RUNX1: variants seen among roughly 807,000 people sequenced by gnomAD.
RUNX1 encodes RUNX family transcription factor 1.
In RUNX1, 19 loss-of-function variants were observed where a neutral mutation model predicts 42.8. That is an observed-to-expected ratio of 0.44 (90% CI 0.31 to 0.65). The LOEUF (loss-of-function observed/expected upper bound fraction) is 0.65, where lower values mean the gene tolerates loss of function less well. RUNX1 is among the 30% of genes least tolerant of loss of function. RUNX1 has a pLI of 0.07. For missense variants in RUNX1, 528 were observed against 672.0 expected (o/e 0.79, Z 2.37); for synonymous variants, 271 against 289.4 (o/e 0.94, Z 0.64).
At chr21:34,949,648 C>T (rs890385846) in intron 2 of RUNX1, among the ~76,000 whole-genome samples, 21 of 152,224 alleles carry the variant, frequency 1.4e-4, no homozygotes, top group Admixed American at 1.4e-3. Flanking sequence ...CAACCCCAAT[C>T]GCTGTGGATG....
At chr21:34,962,533 T>C (rs1008510216) in intron 2 of RUNX1, among the ~76,000 whole-genome samples, 5 of 152,250 alleles carry the variant, frequency 3.3e-5, no homozygotes, top group African/African-American at 4.8e-5. Flanking sequence ...CCTTCTATTT[T>C]GTTAAATCTT....
At chr21:35,007,500 A>G (rs1024159780) in intron 2 of RUNX1, among the ~76,000 whole-genome samples, 2 of 152,118 alleles carry the variant, frequency 1.3e-5, no homozygotes, top group African/African-American at 4.8e-5. Context: ...TGGATGTGCT[A>G]AAGCCACCAC....
intron 2 of RUNX1, among the ~76,000 whole-genome samples, chr21:34,977,021 T>A (rs1188355014): frequency 1.3e-5 from 2 of 152,210 alleles, no homozygotes; most frequent in Non-Finnish European, 2.9e-5. Flanking sequence ...TGTGAAAATA[T>A]TTATCTTCAC....
At chr21:34,945,049 A>G (rs1401098751) in intron 2 of RUNX1, among the ~76,000 whole-genome samples, 1 of 152,216 alleles carries the variant, frequency 6.6e-6, no homozygotes, top group Non-Finnish European at 1.5e-5. Context: ...TAAATAAGTT[A>G]TTTCATGGAG....
chr21:34,800,662 CTTTCTG>C (rs1411037782), intron 7 of RUNX1, among the ~76,000 whole-genome samples: 2 of 152,170 alleles, frequency 1.3e-5, no homozygotes, highest in African/African-American at 2.4e-5. Flanking sequence ...TCAAGTTTGC[CTTTCTG>C]TTTATCTCTT....
intron 7 of RUNX1, among the ~76,000 whole-genome samples, chr21:34,819,464 T>C (rs1310062729): frequency 2.6e-5 from 4 of 152,166 alleles, no homozygotes; most frequent in African/African-American, 4.8e-5. Flanking sequence ...TCACCAAGTC[T>C]TAGTGAAGGG....
chr21:34,826,070 G>C (rs1477122154), intron 7 of RUNX1, among the ~76,000 whole-genome samples: 4 of 152,148 alleles, frequency 2.6e-5, no homozygotes. Flanking sequence ...CAAGTTTGTG[G>C]TTATTTGTTA....
Position 34,999,576 on chromosome 21 carries a change from G to A in RUNX1, c.58+49266C>T, listed in dbSNP as rs571507770. On this transcript the variant is annotated intron_variant, in intron 2 of 8. Transcript: ENST00000675419. ...GTCTGGTAGGAGTTAAAAGGAACAC[G>A]TGTGTTCTGAACTCCCTGGAAGAGA... 5.3e-5 allele frequency among the ~76,000 whole-genome samples: 8 copies of A among 152,260 alleles called. No individual in the cohort carries two copies. The South Asian group carries it at 1.2e-3, about 24-fold the overall frequency.
intron 2 of RUNX1, among the ~76,000 whole-genome samples, chr21:34,982,397 G>GGTGTGTGTGT (rs56091299): frequency 0.015 from 2,237 of 148,204 alleles, 26 homozygotes; most frequent in African/African-American, 0.021. Context: ...AGTCAAAAGG[G>GGTGTGTGTGT]GTGTGTGTGT....
intron 7 of RUNX1, among the ~76,000 whole-genome samples, chr21:34,808,377 G>A (rs1419555583): frequency 6.6e-6 from 1 of 152,100 alleles, no homozygotes; most frequent in Non-Finnish European, 1.5e-5. Context: ...GGCTGCCTGC[G>A]GGAAGGAAGA....
At chr21:34,904,600 A>G (rs1347486137) in intron 2 of RUNX1, among the ~76,000 whole-genome samples, 2 of 152,234 alleles carry the variant, frequency 1.3e-5, no homozygotes, top group Non-Finnish European at 2.9e-5. Flanking sequence ...ATCTTAAGTA[A>G]CTACATAGCA....
At chr21:34,923,687 G>GAACACATTTCCCTGCT (rs1555905178) in intron 2 of RUNX1, among the ~76,000 whole-genome samples, 3 of 147,448 alleles carry the variant, frequency 2.0e-5, no homozygotes, top group Admixed American at 6.7e-5. Flanking sequence ...CAGCAATTCT[G>GAACACATTTCCCTGCT]TCAACCATCA....
intron 2 of RUNX1, among the ~76,000 whole-genome samples, chr21:35,026,675 C>T (rs747508135): frequency 2.6e-5 from 4 of 152,228 alleles, no homozygotes; most frequent in Admixed American, 6.5e-5. Flanking sequence ...GCGCATCCGC[C>T]CGGGGACTTG....
intron 6 of RUNX1, among the ~76,000 whole-genome samples, chr21:34,849,355 TATA>T (rs1177844286): frequency 1.6e-4 from 6 of 36,498 alleles, no homozygotes; most frequent in Admixed American, 1.2e-3. Flanking sequence ...ATATAGTATA[TATA>T]ATATATTATA....
At chr21:34,844,619 C>T (rs1407392865) in intron 6 of RUNX1, among the ~76,000 whole-genome samples, 1 of 152,148 alleles carries the variant, frequency 6.6e-6, no homozygotes, top group Non-Finnish European at 1.5e-5. Context: ...AATGAGTGAG[C>T]CCCTTTCCTG....
intron 2 of RUNX1, among the ~76,000 whole-genome samples, chr21:35,038,183 T>C (rs1278522132): frequency 6.6e-6 from 1 of 152,136 alleles, no homozygotes; most frequent in Non-Finnish European, 1.5e-5. Flanking sequence ...GTTCGATAAA[T>C]GGCTCAAGTT....
intron 7 of RUNX1, among the ~76,000 whole-genome samples, chr21:34,813,511 T>A (rs1349716946): frequency 6.6e-6 from 1 of 151,960 alleles, no homozygotes; most frequent in Non-Finnish European, 1.5e-5. Context: ...GCTGCAGTCA[T>A]GATGCACCCA....
At chr21:34,876,823 G>A (rs1421151130) in intron 5 of RUNX1, among the ~76,000 whole-genome samples, 5 of 152,030 alleles carry the variant, frequency 3.3e-5, no homozygotes, top group Admixed American at 6.6e-5. Context: ...CAACTGGGAT[G>A]AAGCAGTCAC....
chr21:34,930,516 C>A (rs1237123580), intron 2 of RUNX1, among the ~76,000 whole-genome samples: 4 of 151,676 alleles, frequency 2.6e-5, no homozygotes, highest in African/African-American at 4.9e-5. Flanking sequence ...CTGCAACAGG[C>A]AAGAGGGGAC....
Sources: allele counts gnomAD v4.1 joint callset (sites outside exome capture counted in the v4.1 genomes callset), GRCh38; gene constraint gnomAD v4.1.1; transcripts MANE v1.5; gene names NCBI Gene and HGNC (gene_info 2026-07-23, HGNC 2026-07-21).